The following TET3 variants were observed in gnomAD, a reference collection of about 807,000 sequenced individuals.
TET3 encodes the protein methylcytosine dioxygenase TET3.
Under a neutral mutation model 141.4 loss-of-function variants are expected in TET3, and 19 were observed. The ratio of observed to expected loss-of-function variants is 0.13; its 90% CI spans 0.09 to 0.20. The LOEUF is 0.20. Ranked by LOEUF, TET3 falls within the 10% of genes least tolerant of loss-of-function variation. The probability of loss-of-function intolerance (pLI) is 1.00; values close to 1 mark genes in which losing one functional copy is unlikely to be tolerated. For synonymous variants in TET3, 1,043 were observed against 980.9 expected (o/e 1.06, Z -1.18); for missense variants, 1,874 against 2,356.9 (o/e 0.80, Z 4.24).
intron 10 of TET3, among the ~76,000 whole-genome samples, chr2:74,094,391 C>G (rs1005457407): frequency 3.9e-5 from 6 of 152,172 alleles, no homozygotes; most frequent in Admixed American, 3.9e-4. Context: ...ATTGGAGAGG[C>G]CTGCAGGGAC....
intron 3 of TET3, among the ~76,000 whole-genome samples, chr2:74,012,659 C>T (rs1224895325): frequency 1.3e-5 from 2 of 152,212 alleles, no homozygotes; most frequent in African/African-American, 4.8e-5. Context: ...CTAGGACCGT[C>T]TTTGCATGTT....
chr2:74,099,444 C>T lies in TET3; in HGVS notation c.3436C>T (p.Pro1146Ser), dbSNP rs758886967. Residue 1146 changes from proline (P) to serine (S), a missense_variant, in exon 11 of 12, where the codon CCC becomes TCC. Coordinates refer to ENST00000409262, the MANE Select transcript of TET3 (RefSeq NM_001287491.2). Reference protein sequence around the residue: ...SGAIQVLTAFPREVRRLPEPA... With the variant: ...SGAIQVLTAFSREVRRLPEPA... ...AGCCATCCAGGTGCTCACCGCCTTCCCCCGCGAGGTCCGACGCCTGCCCGA... is the reference window on the plus strand; with the variant it reads ...AGCCATCCAGGTGCTCACCGCCTTCTCCCGCGAGGTCCGACGCCTGCCCGA... 1 of 1,613,930 alleles carries T rather than the reference C, an allele frequency of 6.2e-7. No individual in the cohort carries two copies. Among genetic ancestry groups the T allele is most frequent in the South Asian group, 1.1e-5 (1 of 91,078 alleles).
downstream of TET3, among the ~76,000 whole-genome samples, chr2:74,112,819 G>A (rs1194633394): frequency 1.3e-5 from 2 of 151,764 alleles, no homozygotes; most frequent in Admixed American, 6.6e-5. Flanking sequence ...TGGCCAACAC[G>A]GTGAAAGCCC....
At chr2:74,055,992 A>G (rs1352368691) in intron 4 of TET3, among the ~76,000 whole-genome samples, 3 of 152,200 alleles carry the variant, frequency 2.0e-5, no homozygotes. Context: ...TAAATTACCC[A>G]GTTTCAGGTA....
chr2:74,075,718 T>C (rs1235158497), intron 5 of TET3, among the ~76,000 whole-genome samples: 1 of 152,206 alleles, frequency 6.6e-6, no homozygotes, highest in Admixed American at 6.5e-5. Context: ...AAAGGTAAGA[T>C]ACATGGAGGA....
intron 2 of TET3, among the ~76,000 whole-genome samples, chr2:73,988,330 C>A (rs1684149288): frequency 6.6e-6 from 1 of 152,114 alleles, no homozygotes; most frequent in African/African-American, 2.4e-5. Context: ...TCCTTTTCTT[C>A]CCCAGCCCCC....
chr2:74,071,947 G>A (rs1010047422), intron 4 of TET3, among the ~76,000 whole-genome samples: 8 of 152,100 alleles, frequency 5.3e-5, no homozygotes, highest in East Asian at 1.9e-4. Context: ...TGAGCTTCAC[G>A]TAAAATTAAC....
the TET3 span, among the ~76,000 whole-genome samples, chr2:74,116,479 T>C: frequency 1.3e-5 from 2 of 151,394 alleles, no homozygotes; most frequent in Non-Finnish European, 2.9e-5. Context: ...GGTCAGGAGT[T>C]CAAGACCAGC....
intron 6 of TET3, among the ~76,000 whole-genome samples, chr2:74,085,163 AAG>A (rs1276952143): frequency 6.6e-6 from 1 of 152,042 alleles, no homozygotes; most frequent in South Asian, 2.1e-4. Flanking sequence ...AAAAAAAAAA[AAG>A]AAAATTGGAG....
intron 2 of TET3, among the ~76,000 whole-genome samples, chr2:73,988,660 C>T (rs1056649770): frequency 6.6e-6 from 1 of 152,020 alleles, no homozygotes; most frequent in Non-Finnish European, 1.5e-5. Context: ...CTCTCTAAGC[C>T]CCAGGGTCAG....
At chr2:73,994,239 C>T (rs1370488279) in intron 2 of TET3, among the ~76,000 whole-genome samples, 1 of 152,168 alleles carries the variant, frequency 6.6e-6, no homozygotes, top group Admixed American at 6.5e-5. Context: ...AGAGTGGTCA[C>T]ATGCAGGACA....
chr2:74,118,255 C>G, the TET3 span, among the ~76,000 whole-genome samples: 2 of 152,156 alleles, frequency 1.3e-5, no homozygotes, highest in Non-Finnish European at 2.9e-5. Flanking sequence ...ACACGTAGTG[C>G]CTCTAGTAAT....
the TET3 span, chr2:74,134,638 G>T: frequency 1.5e-5 from 7 of 455,016 alleles, no homozygotes; most frequent in Non-Finnish European, 3.1e-5. Context: ...GCTGGCTGAT[G>T]GGAGCAGAAA....
rs1689569773 is a variant in TET3, at chr2:74,077,380, C to T, written c.2586-3118C>T. ...CTAGGGGATGCTGATGCTGCTGGCCCTGGGACCACCCTTGGAGAGCCAGTT... is the reference window on the plus strand; with the variant it reads ...CTAGGGGATGCTGATGCTGCTGGCCTTGGGACCACCCTTGGAGAGCCAGTT... On this transcript the variant is annotated intron_variant, in intron 5 of 11. Coordinates refer to ENST00000409262, the MANE Select transcript of TET3 (RefSeq NM_001287491.2). Among the ~76,000 whole-genome samples the T allele has an allele frequency of 4.6e-5, 7 of 152,322 alleles. No homozygotes were observed. The South Asian group carries it at 1.4e-3, about 32-fold the overall frequency.
At chr2:74,002,986 C>T in intron 2 of TET3, 124 bp from the exon 3 acceptor site, 1 of 1,021,590 alleles carries the variant, frequency 9.8e-7, no homozygotes, top group Non-Finnish European at 1.5e-6. Context: ...GCCTTTCTTT[C>T]CCAGGCTGTA....
At chr2:74,086,701 G>A (rs1197445429) in intron 6 of TET3, among the ~76,000 whole-genome samples, 1 of 149,978 alleles carries the variant, frequency 6.7e-6, no homozygotes, top group African/African-American at 2.5e-5. Context: ...TGAAGTGGGA[G>A]GATCGCTTAA....
At chr2:74,061,422 A>AC (rs1204022175) in intron 4 of TET3, among the ~76,000 whole-genome samples, 87 of 99,010 alleles carry the variant, frequency 8.8e-4, no homozygotes, top group East Asian at 6.6e-3. Flanking sequence ...CGGGGGGCTG[A>AC]CCCCCCCACC....
chr2:73,994,642 T>C (rs797005198), intron 2 of TET3, among the ~76,000 whole-genome samples: 80 of 136,196 alleles, frequency 5.9e-4, no homozygotes, highest in East Asian at 1.2e-3. Context: ...TTCTTTCTTT[T>C]TTTTTTTTTT....
chr2:74,016,157 C>G (rs932605719), intron 3 of TET3, among the ~76,000 whole-genome samples: 8 of 151,626 alleles, frequency 5.3e-5, no homozygotes, highest in Non-Finnish European at 8.8e-5. Context: ...TGCTTGAGGC[C>G]AAGAGTTCTA....
Sources: allele counts gnomAD v4.1 joint callset (sites outside exome capture counted in the v4.1 genomes callset), GRCh38; gene constraint gnomAD v4.1.1; transcripts MANE v1.5; gene names NCBI Gene and HGNC (gene_info 2026-07-23, HGNC 2026-07-21).